CRLS1: variants seen among roughly 807,000 people sequenced by gnomAD.
CRLS1 encodes the protein cardiolipin synthase (CMP-forming).
In CRLS1, 24 loss-of-function variants were observed where a neutral mutation model predicts 37.0. The ratio of observed to expected loss-of-function variants is 0.65; its 90% CI spans 0.47 to 0.91. The LOEUF (loss-of-function observed/expected upper bound fraction) is 0.91. Among genes scored for constraint, CRLS1 ranks in the 40% least tolerant of loss-of-function variants. CRLS1 has a pLI of 0.00. For synonymous variants in CRLS1, 135 were observed against 159.7 expected (o/e 0.85, Z 1.17); for missense variants, 373 against 395.8 (o/e 0.94, Z 0.49).
chr20:6,020,857 C>T (rs1979210762), intron 3 of CRLS1, among the ~76,000 whole-genome samples: 1 of 149,668 alleles, frequency 6.7e-6, no homozygotes, highest in African/African-American at 2.5e-5. Flanking sequence ...TGGTCTCGAT[C>T]TCCTGACCTC....
At chr20:6,033,093 A>ATATTT (rs1289821472) in intron 5 of CRLS1, among the ~76,000 whole-genome samples, 2 of 149,442 alleles carry the variant, frequency 1.3e-5, no homozygotes, top group Admixed American at 1.3e-4. Context: ...TTTATATTTT[A>ATATTT]TATTTTATTT....
chr20:6,017,852 A>G (rs970426806), intron 3 of CRLS1, among the ~76,000 whole-genome samples: 1 of 152,220 alleles, frequency 6.6e-6, no homozygotes, highest in African/African-American at 2.4e-5. Flanking sequence ...CAGAAAGATA[A>G]TAAACACTTT....
Position 6,009,773 on chromosome 20 carries a change from A to G in CRLS1, c.307-2A>G, listed in dbSNP as rs766170475. The G allele has an allele frequency of 2.3e-5, 37 of 1,604,454 alleles. No individual in the cohort carries two copies. The highest frequency in any genetic ancestry group is 3.1e-5 in the Non-Finnish European group (36 of 1,174,370). On this transcript the variant is annotated splice_acceptor_variant, in intron 1 of 6. Coordinates refer to ENST00000378863, the MANE Select transcript of CRLS1 (RefSeq NM_019095.6). LOFTEE classifies it high-confidence loss of function. ...TTAAATTTTGTTGTCTTTGTGTTTC[A>G]GTATGAAAACCCATGGACAATCCCG...
In CRLS1 at chr20:6,015,339, A is replaced by AT. The variant is rs765446271; in HGVS notation, c.445-22_445-21insT. On this transcript the variant is annotated intron_variant, in intron 2 of 6. Transcript: ENST00000378863. ...TTCCTGTTATGACATTTATATATAT[A>AT]AAAAAAAACTTCTATTTTCAGTTGG... 369 of 1,486,606 alleles carry AT rather than the reference A, an allele frequency of 2.5e-4. 1 individual carries two copies. Among genetic ancestry groups the AT allele is most frequent in the Non-Finnish European group, 3.1e-4 (345 of 1,096,666 alleles). The allele number at this position is 1,486,606 out of a possible 1,614,324, so 92.1% of individuals were successfully genotyped here.
intron 2 of CRLS1, among the ~76,000 whole-genome samples, chr20:6,014,520 G>A (rs763491492): frequency 6.6e-6 from 1 of 152,162 alleles, no homozygotes; most frequent in Non-Finnish European, 1.5e-5. Flanking sequence ...AAGCCAGGAA[G>A]GGACTTGGAT....
chr20:6,034,361 G>T, intron 5 of CRLS1, 103 bp from the exon 6 acceptor site: 1 of 722,372 alleles, frequency 1.4e-6, no homozygotes, highest in East Asian at 2.5e-5. Context: ...GCATGCTGAG[G>T]GTATGTCATG....
chr20:6,011,542 C>T (rs989129109), intron 2 of CRLS1, among the ~76,000 whole-genome samples: 1 of 129,580 alleles, frequency 7.7e-6, no homozygotes, highest in African/African-American at 2.9e-5. Context: ...TTCCCATTCT[C>T]ACAATCTTTC....
rs1346870133 is a variant in CRLS1, at chr20:6,038,052, T to G, written c.*894T>G. On this transcript the variant is annotated 3_prime_UTR_variant, in exon 7 of 7. Coordinates refer to ENST00000378863, the MANE Select transcript of CRLS1 (RefSeq NM_019095.6). ...AAAGAGCTGGAAAAAAAATTGTACC[T>G]TCAACTCAGGTTGTTCCATATAACA... The G allele has an allele frequency of 6.6e-6, 1 of 152,246 alleles. No individual in the cohort carries two copies. The highest frequency in any genetic ancestry group is 1.9e-4 in the East Asian group (1 of 5,202). The allele number at this position is 152,246 out of a possible 1,614,324, so 9.4% of individuals were successfully genotyped here.
intron 2 of CRLS1, among the ~76,000 whole-genome samples, chr20:6,011,464 A>T (rs1346165924): frequency 1.3e-5 from 2 of 150,648 alleles, no homozygotes; most frequent in Non-Finnish European, 2.9e-5. Flanking sequence ...CTTCAAACAT[A>T]GCCTCCCAAA....
At chr20:6,015,566 G>C in intron 3 of CRLS1, 76 bp downstream of exon 3, 1 of 1,417,790 alleles carries the variant, frequency 7.1e-7, no homozygotes, top group South Asian at 1.2e-5. Flanking sequence ...TCTCTTGAGA[G>C]ACAAATAATT....
rs1321787729 is a variant in CRLS1, at chr20:6,009,924, A to G, written c.444+12A>G. The G allele has an allele frequency of 1.9e-6, 3 of 1,612,276 alleles. No homozygotes were observed. The highest frequency in any genetic ancestry group is 2.5e-6 in the Non-Finnish European group (3 of 1,178,938). On this transcript the variant is annotated intron_variant, in intron 2 of 6. Coordinates refer to ENST00000378863, the MANE Select transcript of CRLS1 (RefSeq NM_019095.6). Reference sequence around the variant, plus strand: ...GACTAACAGATTTGGTAAGTTGTAAATGCACTCCCAGTTTGCTCTCCTTCC... The same window carrying G: ...GACTAACAGATTTGGTAAGTTGTAAGTGCACTCCCAGTTTGCTCTCCTTCC...
In CRLS1 at chr20:6,015,384, C is replaced by G; in HGVS notation, c.468C>G (p.Asn156Lys). 8 of 1,604,214 alleles carry G rather than the reference C, an allele frequency of 5.0e-6. No individual in the cohort carries two copies. Among genetic ancestry groups the G allele is most frequent in the Non-Finnish European group, 6.8e-6 (8 of 1,174,500 alleles). Residue 156 changes from asparagine (N) to lysine (K), a missense_variant, in exon 3 of 7, where the codon AAC becomes AAG. Physicochemically the swap from Asn to Lys is moderately conservative, Grantham distance 94 (BLOSUM62 0). Coordinates refer to ENST00000378863, the MANE Select transcript of CRLS1 (RefSeq NM_019095.6). Reference sequence around the variant, plus strand: ...AGTTGGATGGATTTATTGCTCGAAACTGGGCCAATCAAAGATCAGCTTTGG... The same window carrying G: ...AGTTGGATGGATTTATTGCTCGAAAGTGGGCCAATCAAAGATCAGCTTTGG... Reference protein sequence around the residue: ...TDLLDGFIARNWANQRSALGS... With the variant: ...TDLLDGFIARKWANQRSALGS...
intron 6 of CRLS1, among the ~76,000 whole-genome samples, chr20:6,036,703 T>A (rs1194129187): frequency 1.3e-5 from 2 of 151,478 alleles, no homozygotes; most frequent in African/African-American, 4.9e-5. Flanking sequence ...CTTTGGAGGA[T>A]GAGTCCTTCT....
intron 3 of CRLS1, among the ~76,000 whole-genome samples, chr20:6,030,397 C>G (rs1425519725): frequency 6.6e-6 from 1 of 152,094 alleles, no homozygotes; most frequent in Non-Finnish European, 1.5e-5. Context: ...AGAAAAACAG[C>G]AATCCCTGGG....
chr20:6,017,817 T>G (rs1978876891), intron 3 of CRLS1, among the ~76,000 whole-genome samples: 2 of 152,230 alleles, frequency 1.3e-5, no homozygotes, highest in Non-Finnish European at 2.9e-5. Context: ...TGCTTTAATA[T>G]CTCTCAAAGT....
intron 3 of CRLS1, among the ~76,000 whole-genome samples, chr20:6,024,662 G>A (rs922457467): frequency 6.2e-4 from 94 of 152,362 alleles, no homozygotes; most frequent in African/African-American, 2.2e-3. Context: ...TTCGAAAGCT[G>A]AGAGAGGCTG....
intron 2 of CRLS1, among the ~76,000 whole-genome samples, chr20:6,012,708 C>CA (rs979251077): frequency 6.6e-6 from 1 of 152,036 alleles, no homozygotes; most frequent in Non-Finnish European, 1.5e-5. Flanking sequence ...GTCATCGTTA[C>CA]AGAGAGAGAA....
At chr20:6,032,153 A>C (rs1980213478) in intron 5 of CRLS1, 73 bp downstream of exon 5, 1 of 1,179,270 alleles carries the variant, frequency 8.5e-7, no homozygotes, top group East Asian at 2.4e-5. Flanking sequence ...ACCTTAGTCA[A>C]GAACAGCTGA....
At chr20:6,017,487 A>G (rs1978851214) in intron 3 of CRLS1, among the ~76,000 whole-genome samples, 1 of 152,178 alleles carries the variant, frequency 6.6e-6, no homozygotes, top group South Asian at 2.1e-4. Context: ...TATTTTTCAG[A>G]CTCAGTGCAA....
Sources: allele counts gnomAD v4.1 joint callset (sites outside exome capture counted in the v4.1 genomes callset), GRCh38; gene constraint gnomAD v4.1.1; transcripts MANE v1.5; gene names NCBI Gene and HGNC (gene_info 2026-07-23, HGNC 2026-07-21).